NUMBL: variants seen among roughly 807,000 people sequenced by gnomAD.
The protein encoded by NUMBL is numb-like protein.
Under a neutral mutation model 48.9 loss-of-function variants are expected in NUMBL, and 20 were observed. The ratio of observed to expected loss-of-function variants is 0.41; its 90% CI spans 0.29 to 0.59. The LOEUF (loss-of-function observed/expected upper bound fraction) is 0.59, where lower values mean the gene tolerates loss of function less well. NUMBL is among the 20% of genes least tolerant of loss of function. The probability of loss-of-function intolerance (pLI) is 0.31; values close to 1 mark genes in which losing one functional copy is unlikely to be tolerated. For synonymous variants in NUMBL, 340 were observed against 348.7 expected, an observed-to-expected ratio of 0.98 and a Z score of 0.28; for missense variants, 660 against 846.2, an observed-to-expected ratio of 0.78 and a Z score of 2.73.
chr19:40,686,052 C>T (rs1284329056), intron 2 of NUMBL: 3 of 152,838 alleles, frequency 2.0e-5, no homozygotes, highest in African/African-American at 7.3e-5. Context: ...CCGTAGCTCC[C>T]TGTGAGAGCC....
chr19:40,672,329 C>G (rs963750509), intron 8 of NUMBL, among the ~76,000 whole-genome samples: 11 of 152,202 alleles, frequency 7.2e-5, no homozygotes, highest in African/African-American at 2.7e-4. Flanking sequence ...GCTCCCCTGG[C>G]CAAGTGCTAG....
intron 9 of NUMBL, among the ~76,000 whole-genome samples, chr19:40,668,578 T>C (rs2561549): frequency 0.67 from 101,544 of 152,032 alleles, 35,351 homozygotes; most frequent in African/African-American, 0.88. Context: ...CGTGCCTCAG[T>C]CTCCTGAGTA....
chr19:40,683,044 T>C (rs1282958893), intron 3 of NUMBL, 76 bp from the exon 4 acceptor site: 11 of 1,225,960 alleles, frequency 9.0e-6, no homozygotes, highest in Non-Finnish European at 1.3e-5. Flanking sequence ...ACTGAGCATC[T>C]GCCATGCAGT....
chr19:40,667,931 A>G lies in NUMBL; in HGVS notation c.1367T>C (p.Met456Thr), dbSNP rs775385093. The G allele has an allele frequency of 4.5e-6, 7 of 1,569,406 alleles. No individual in the cohort carries two copies. In the South Asian group the frequency reaches 7.0e-5, roughly 16 times the overall value. Residue 456 changes from methionine to threonine, a missense_variant, in exon 10 of 10, where the codon ATG (methionine) becomes ACG (threonine). This residue lies in a region of NUMBL where 296 missense variants were observed against 339.7 expected (regional missense o/e 0.87). Coordinates refer to ENST00000252891, the MANE Select transcript of NUMBL (RefSeq NM_004756.5). The surrounding 1 kb of genome is among the most constrained non-coding windows in gnomAD (Gnocchi z 6.1). Reference protein sequence around the residue: ...QAASVAPVPTMPPALQPFPAP... With the variant: ...QAASVAPVPTTPPALQPFPAP... ...GGGGAAAGGCTGCAGGGCAGGAGGCATGGTGGGCACTGGGGCCACTGAGGC... is the reference window on the plus strand; with the variant it reads ...GGGGAAAGGCTGCAGGGCAGGAGGCGTGGTGGGCACTGGGGCCACTGAGGC...
intron 3 of NUMBL, among the ~76,000 whole-genome samples, chr19:40,683,405 G>A (rs746952815): frequency 5.9e-5 from 9 of 152,206 alleles, no homozygotes; most frequent in Non-Finnish European, 1.3e-4. Context: ...CTGTTGCCTC[G>A]AGTTTCCCAG....
At chr19:40,670,073 G>T in intron 8 of NUMBL, 53 bp from the exon 9 acceptor site, 3 of 1,583,536 alleles carry the variant, frequency 1.9e-6, no homozygotes, top group Non-Finnish European at 2.6e-6. Context: ...CCCTGCCGCA[G>T]CCCCGCCCTC....
rs2081806219 is a variant in NUMBL at position 40,666,183 on chromosome 19, T to C, written c.*1285A>G. ...TTTTTTTTGAGACAGAGTCTCATTC[T>C]GTTGCCCAGGCAGGAGTGCAATGGT... On this transcript the variant is annotated 3_prime_UTR_variant, in exon 10 of 10. Coordinates refer to ENST00000252891, the MANE Select transcript of NUMBL (RefSeq NM_004756.5). 1 of 150,594 alleles carries C rather than the reference T, an allele frequency of 6.6e-6. No homozygotes were observed. Among genetic ancestry groups the C allele is most frequent in the African/African-American group, 2.4e-5 (1 of 40,872 alleles). 9.3% of individuals were successfully genotyped at this position (150,594 alleles called of 1,614,324 possible). A position where few individuals can be genotyped will look rare whatever the true frequency, so the allele number is the denominator to read the frequency against.
At chr19:40,669,810 C>A in intron 9 of NUMBL, 88 bp downstream of exon 9, 1 of 1,525,536 alleles carries the variant, frequency 6.6e-7, no homozygotes, top group Non-Finnish European at 8.8e-7. Flanking sequence ...GATCCCAAGA[C>A]CCCTGGAGTG....
intron 9 of NUMBL, among the ~76,000 whole-genome samples, chr19:40,668,357 A>G (rs2081828207): frequency 6.6e-6 from 1 of 152,136 alleles, no homozygotes; most frequent in South Asian, 2.1e-4. Context: ...AGAACATACA[A>G]TTCTGAGCTT....
At chr19:40,690,200 T>C in intron 1 of NUMBL, 1 of 349,796 alleles carries the variant, frequency 2.9e-6, no homozygotes, top group Non-Finnish European at 5.1e-6. Flanking sequence ...TCTGTACCCC[T>C]GTCCTTGGTT....
At chr19:40,689,372 C>A (rs2081950193) in intron 1 of NUMBL, among the ~76,000 whole-genome samples, 1 of 152,048 alleles carries the variant, frequency 6.6e-6, no homozygotes, top group Admixed American at 6.6e-5. Context: ...CACAGTCACA[C>A]AGATACTAGG....
chr19:40,679,641 G>C (rs943728609), intron 6 of NUMBL, among the ~76,000 whole-genome samples: 37 of 152,172 alleles, frequency 2.4e-4, no homozygotes, highest in Admixed American at 2.0e-3. Context: ...TTGCTCCATT[G>C]CACTCCAGCC....
Position 40,690,466 on chromosome 19 carries a change from C to T in NUMBL, c.18G>A (p.Ala6=). MSRSA[A]ASGGPRRPER... ...CCTCTCCCGCCCTTCTCACGCTGGC[C>T]GCCGCGCTGCGGGACATCCAGGGCC... Residue 6 remains alanine (A), a synonymous_variant, in exon 1 of 10, where the codon GCG becomes GCA. Coordinates refer to ENST00000252891, the MANE Select transcript of NUMBL (RefSeq NM_004756.5). 2 of 1,306,792 alleles carry T rather than the reference C, an allele frequency of 1.5e-6. No individual in the cohort carries two copies. Among genetic ancestry groups the T allele is most frequent in the Non-Finnish European group, 2.0e-6 (2 of 1,024,336 alleles). 80.9% of individuals were successfully genotyped at this position (1,306,792 alleles called of 1,614,324 possible).
Position 40,667,501 on chromosome 19 carries a change from G to C in NUMBL, c.1797C>G (p.Gly599=). ...TVEKPSNPFS[G]DLQKTFEIEL ...CAATCTCGAATGTCTTTTGCAGGTC[G>C]CCAGAAAAGGGGTTGGAGGGTTTCT... The change falls in exon 10 of 10, where the codon GGC becomes GGG. Residue 599 remains glycine, a synonymous_variant. Transcript: ENST00000252891. This position sits in a 1 kb window ranked among gnomAD's most constrained non-coding sequence, Gnocchi z 6.1. The C allele has an allele frequency of 1.3e-6, 2 of 1,597,076 alleles. No individual in the cohort carries two copies. Among genetic ancestry groups the C allele is most frequent in the Non-Finnish European group, 1.7e-6 (2 of 1,171,820 alleles).
chr19:40,684,352 C>T (rs2081922222), intron 3 of NUMBL, 65 bp downstream of exon 3: 1 of 1,499,390 alleles, frequency 6.7e-7, no homozygotes, highest in South Asian at 1.2e-5. Context: ...GGCCGCGCAC[C>T]CGCACAGCAC....
intron 1 of NUMBL, 64 bp downstream of exon 1, chr19:40,690,396 A>T: frequency 1.0e-6 from 1 of 970,940 alleles, no homozygotes; most frequent in Non-Finnish European, 1.3e-6. Context: ...GCCGCCTCCC[A>T]CCCTCCGCCA....
chr19:40,684,798 C>CT (rs2081925871), intron 2 of NUMBL: 1 of 461,976 alleles, frequency 2.2e-6, no homozygotes, highest in Admixed American at 4.0e-5. Flanking sequence ...AACCATGGGG[C>CT]TAAGGGGCTG....
In NUMBL at chr19:40,673,572, ATGTGGTGG is replaced by A. The variant is rs2081859560; in HGVS notation, c.800_807del (p.Ala267ValfsTer4). 3 of 1,546,258 alleles carry A rather than the reference ATGTGGTGG, an allele frequency of 1.9e-6. No homozygotes were observed. The highest frequency in any genetic ancestry group is 2.6e-6 in the Non-Finnish European group (3 of 1,143,340). On this transcript the variant is annotated frameshift_variant, in exon 8 of 10. Coordinates refer to ENST00000252891, the MANE Select transcript of NUMBL (RefSeq NM_004756.5). LOFTEE classifies it high-confidence loss of function. The surrounding 1 kb of genome is among the most constrained non-coding windows in gnomAD (Gnocchi z 5.9). ...CCTGCCTCACCCTTCTCACCAGGGG[ATGTGGTGG>A]CTGGTGTCGGGGACACGTGCCCAGG...
chr19:40,675,557 TAC>T (rs1381526684), intron 7 of NUMBL, among the ~76,000 whole-genome samples: 2 of 146,232 alleles, frequency 1.4e-5, no homozygotes, highest in African/African-American at 5.1e-5. Context: ...ACTCAGGACA[TAC>T]ATACAATTAT....
Sources: allele counts gnomAD v4.1 joint callset (sites outside exome capture counted in the v4.1 genomes callset), GRCh38; gene constraint gnomAD v4.1.1; regional missense constraint gnomAD v4.1.1; non-coding constraint Gnocchi (gnomAD v3.1); transcripts MANE v1.5; gene names NCBI Gene and HGNC (gene_info 2026-07-23, HGNC 2026-07-21).